Variants in ARMCX4 observed in about 807,000 individuals in gnomAD.
ARMCX4 encodes armadillo repeat-containing X-linked protein 4.
Under a neutral mutation model 34.7 loss-of-function variants are expected in ARMCX4, and 3 were observed. The ratio of observed to expected loss-of-function variants is 0.09; its 90% CI spans 0.04 to 0.22. The LOEUF (loss-of-function observed/expected upper bound fraction) is 0.22. Ranked by LOEUF, ARMCX4 falls within the 10% of genes least tolerant of loss-of-function variation. The probability of loss-of-function intolerance (pLI) is 1.00; values close to 1 mark genes in which losing one functional copy is unlikely to be tolerated. For synonymous variants in ARMCX4, 513 were observed against 632.8 expected (o/e 0.81, Z 2.84); for missense variants, 1,448 against 1,720.8 (o/e 0.84, Z 2.81).
At chrX:101,534,815 A>C (rs1935193203), downstream of ARMCX4, among the ~76,000 whole-genome samples, 1 of 111,705 alleles carries the variant, frequency 9.0e-6, no homozygotes, top group Admixed American at 9.5e-5. Context: ...ATATGCACAA[A>C]ATGATCTGAC....
intron 2 of ARMCX4, among the ~76,000 whole-genome samples, chrX:101,435,166 C>A (rs1182291150): frequency 8.9e-6 from 1 of 111,762 alleles, no homozygotes; most frequent in Non-Finnish European, 1.9e-5. Flanking sequence ...AATGGGATTG[C>A]TGGGTCAAAT....
downstream of ARMCX4, among the ~76,000 whole-genome samples, chrX:101,452,047 T>C: frequency 8.9e-6 from 1 of 112,181 alleles, no homozygotes; most frequent in Non-Finnish European, 1.9e-5. Flanking sequence ...AATGATACAA[T>C]TGGTCAAGGT....
At chrX:101,432,740 G>A (rs781790839) in intron 2 of ARMCX4, among the ~76,000 whole-genome samples, 10 of 67,395 alleles carry the variant, frequency 1.5e-4, no homozygotes, top group African/African-American at 2.3e-4. Flanking sequence ...ACATATATAC[G>A]TATATATATG....
intron 2 of ARMCX4, among the ~76,000 whole-genome samples, chrX:101,427,780 A>G (rs1929724574): frequency 9.0e-6 from 1 of 111,340 alleles, no homozygotes; most frequent in African/African-American, 3.3e-5. Flanking sequence ...GCTTTATAAA[A>G]TCCTACTCTT....
chrX:101,436,125 A>G (rs145975196), intron 2 of ARMCX4, among the ~76,000 whole-genome samples: 49,142 of 104,249 alleles, frequency 0.47, 10,193 homozygotes, highest in Non-Finnish European at 0.61. Flanking sequence ...TTGGCAATGC[A>G]GGCTCTTTTT....
chrX:101,454,967 G>T (rs983169722), intron 4 of ARMCX4, among the ~76,000 whole-genome samples: 3 of 110,969 alleles, frequency 2.7e-5, no homozygotes, highest in Admixed American at 9.6e-5. Flanking sequence ...CATTCATGAG[G>T]GCTCCATGCT....
intron 2 of ARMCX4, among the ~76,000 whole-genome samples, chrX:101,440,679 G>A (rs1314025875): frequency 1.8e-5 from 2 of 111,374 alleles, no homozygotes; most frequent in African/African-American, 6.5e-5. Context: ...AATGGCAGGC[G>A]CCCCTCCCCC....
At position 101,435,366 on chromosome X, in the gene ARMCX4, A is replaced by G. The variant is rs1462986309; in HGVS notation, n.165-8686A>G. Among the ~76,000 whole-genome samples, 5 of 111,238 alleles carry G rather than the reference A, an allele frequency of 4.5e-5. No individual in the cohort carries two copies. In the East Asian group the frequency reaches 1.4e-3, roughly 31 times the overall value. On this transcript the variant is annotated intron_variant and non_coding_transcript_variant, in intron 2 of 3. Coordinates refer to the ARMCX4 transcript ENST00000430461. ...GAGATGGTATCTCATTGTGGTTTTG[A>G]TTTGCATTTCTCTGATGGCCAGTGA...
chrX:101,463,182 A>G (rs1932696762), intron 4 of ARMCX4, among the ~76,000 whole-genome samples: 1 of 111,925 alleles, frequency 8.9e-6, no homozygotes, highest in Non-Finnish European at 1.9e-5. Flanking sequence ...CCATACACCT[A>G]TAATGACTTC....
At chrX:101,528,730 A>G (rs1443711637) in intron 11 of ARMCX4, among the ~76,000 whole-genome samples, 1 of 111,337 alleles carries the variant, frequency 9.0e-6, no homozygotes, top group Non-Finnish European at 1.9e-5. Flanking sequence ...ACTCCCATTC[A>G]CAATTGCTTC....
intron 4 of ARMCX4, among the ~76,000 whole-genome samples, chrX:101,466,954 A>C (rs782501866): frequency 8.9e-6 from 1 of 112,528 alleles, no homozygotes; most frequent in South Asian, 3.6e-4. Context: ...GCCATGTGCC[A>C]ACTGGGTGGC....
At chrX:101,431,742 ATTGT>A (rs1930027478) in intron 2 of ARMCX4, among the ~76,000 whole-genome samples, 1 of 111,290 alleles carries the variant, frequency 9.0e-6, no homozygotes, top group African/African-American at 3.3e-5. Context: ...ATGGGGTTTC[ATTGT>A]GTTAGCCAGG....
intron 4 of ARMCX4, among the ~76,000 whole-genome samples, chrX:101,468,299 C>CT (rs1275459864): frequency 1.9e-5 from 2 of 106,633 alleles, no homozygotes; most frequent in African/African-American, 3.4e-5. Flanking sequence ...TCTTTTTTTT[C>CT]TTTTTTTTTG....
downstream of ARMCX4, among the ~76,000 whole-genome samples, chrX:101,533,805 T>C (rs1935172944): frequency 8.9e-6 from 1 of 111,818 alleles, no homozygotes; most frequent in African/African-American, 3.2e-5. Flanking sequence ...TGCCAGTTAT[T>C]TCCACAATTA....
In ARMCX4 at chrX:101,495,489, G is replaced by T; in HGVS notation, c.*27G>T. The T allele has an allele frequency of 9.2e-7, 1 of 1,086,394 alleles. No individual in the cohort carries two copies. Among genetic ancestry groups the T allele is most frequent in the South Asian group, 2.4e-5 (1 of 40,989 alleles). The allele number at this position is 1,086,394 out of a possible 1,213,427, so 89.5% of individuals were successfully genotyped here. ...TGGCTGTATGTTCCCAAACAAATTT[G>T]AGTAATATTTTGGTTTTGCACTCTG... On this transcript the variant is annotated 3_prime_UTR_variant, in exon 6 of 6. Transcript: ENST00000423738.
downstream of ARMCX4, among the ~76,000 whole-genome samples, chrX:101,500,730 T>C (rs1278929684): frequency 8.9e-6 from 1 of 112,428 alleles, no homozygotes; most frequent in Admixed American, 9.4e-5. Flanking sequence ...AAAGTTCATA[T>C]TCACACAGAA....
chrX:101,436,422 C>T (rs1930775852), intron 2 of ARMCX4, among the ~76,000 whole-genome samples: 1 of 109,631 alleles, frequency 9.1e-6, no homozygotes, highest in African/African-American at 3.3e-5. Context: ...AATGGGAGTT[C>T]ACTCATGATT....
rs1446073009 is a variant in ARMCX4, at chrX:101,486,375, GC to G, written c.-367+285del. Among the ~76,000 whole-genome samples, 7 of 110,803 alleles carry G rather than the reference GC, an allele frequency of 6.3e-5. No homozygotes were observed. In the Admixed American group the frequency reaches 6.7e-4, roughly 11 times the overall value. On this transcript the variant is annotated intron_variant, in intron 2 of 5. Transcript: ENST00000423738. ...TATTATTATTATTATTTTTTAGATA[GC>G]CTTTGGTGGGGAAGGATAGTGATTT...
intron 2 of ARMCX4, among the ~76,000 whole-genome samples, chrX:101,442,697 C>T (rs189416741): frequency 0.052 from 5,742 of 111,055 alleles, 123 homozygotes; most frequent in Middle Eastern, 0.083. Flanking sequence ...GCAACCCATC[C>T]TTGCCCCCAG....
Sources: gnomAD v4.1 joint callset for allele counts (sites outside exome capture counted in the v4.1 genomes callset) on GRCh38, gnomAD v4.1.1 for gene constraint, MANE v1.5 for transcripts, NCBI Gene and HGNC (gene_info 2026-07-23, HGNC 2026-07-21) for gene names.